Variants in DLGAP2 observed in about 807,000 individuals in gnomAD.
DLGAP2 encodes the protein disks large-associated protein 2.
In DLGAP2, 26 loss-of-function variants were observed where a neutral mutation model predicts 100.3. That is an observed-to-expected ratio of 0.26 (90% CI 0.19 to 0.36). The LOEUF (loss-of-function observed/expected upper bound fraction) is 0.36, where lower values mean the gene tolerates loss of function less well. Among genes scored for constraint, DLGAP2 ranks in the 10% least tolerant of loss-of-function variants. The pLI is 1.00. For missense variants in DLGAP2, 1,858 were observed against 1,453.2 expected (o/e 1.28, Z -4.53); for synonymous variants, 886 against 630.1 (o/e 1.41, Z -6.08).
At chr8:783,984 C>G (rs1041669405) in intron 1 of DLGAP2, among the ~76,000 whole-genome samples, 3 of 152,296 alleles carry the variant, frequency 2.0e-5, no homozygotes, top group Non-Finnish European at 2.9e-5. Flanking sequence ...TGAAGGAGTT[C>G]CAAGGCTTGA....
At chr8:1,595,521 G>C (rs1427746834) in intron 6 of DLGAP2, among the ~76,000 whole-genome samples, 1 of 150,854 alleles carries the variant, frequency 6.6e-6, no homozygotes, top group Non-Finnish European at 1.5e-5. Flanking sequence ...AAAAAAATTA[G>C]CCGGGCACGG....
chr8:1,599,487 G>C (rs1796558181), intron 6 of DLGAP2, among the ~76,000 whole-genome samples: 1 of 152,048 alleles, frequency 6.6e-6, no homozygotes, highest in Non-Finnish European at 1.5e-5. Flanking sequence ...TTATTGTATG[G>C]GAGTCTAAGT....
intron 3 of DLGAP2, among the ~76,000 whole-genome samples, chr8:1,473,098 T>C (rs1323300708): frequency 6.6e-6 from 1 of 152,148 alleles, no homozygotes; most frequent in Non-Finnish European, 1.5e-5. Flanking sequence ...ACCTGGCTAA[T>C]TTTGGTATTT....
intron 2 of DLGAP2, among the ~76,000 whole-genome samples, chr8:997,534 A>T (rs1010791664): frequency 6.6e-6 from 1 of 152,220 alleles, no homozygotes. Flanking sequence ...ATGTAGAAGC[A>T]CTTCATTAAA....
chr8:1,106,917 G>A (rs1205022394), intron 2 of DLGAP2, among the ~76,000 whole-genome samples: 1 of 152,182 alleles, frequency 6.6e-6, no homozygotes, highest in Admixed American at 6.5e-5. Context: ...GACTCTAAGG[G>A]TTCTAGGAGC....
chr8:1,163,853 G>A (rs1470704907), intron 2 of DLGAP2, among the ~76,000 whole-genome samples: 2 of 152,186 alleles, frequency 1.3e-5, no homozygotes, highest in African/African-American at 4.8e-5. Flanking sequence ...GCTCTGCTCA[G>A]CACTGCGGCT....
At chr8:1,059,887 T>G (rs1399601888) in intron 2 of DLGAP2, among the ~76,000 whole-genome samples, 1 of 152,018 alleles carries the variant, frequency 6.6e-6, no homozygotes, top group Non-Finnish European at 1.5e-5. Flanking sequence ...GCGATGCAAA[T>G]CGCATTCTGT....
At chr8:1,125,426 A>G (rs1029306298) in intron 2 of DLGAP2, among the ~76,000 whole-genome samples, 1 of 152,186 alleles carries the variant, frequency 6.6e-6, no homozygotes, top group Non-Finnish European at 1.5e-5. Context: ...TGATAGCGTG[A>G]TGCTTGTTTT....
chr8:959,299 G>A (rs138775337), intron 2 of DLGAP2, among the ~76,000 whole-genome samples: 116 of 152,310 alleles, frequency 7.6e-4, no homozygotes, highest in African/African-American at 2.7e-3. Context: ...GGTCTCAAGT[G>A]CATTTGTGTG....
At chr8:903,126 T>A (rs1274146238) in intron 1 of DLGAP2, among the ~76,000 whole-genome samples, 2 of 151,746 alleles carry the variant, frequency 1.3e-5, no homozygotes, top group Non-Finnish European at 2.9e-5. Context: ...TCCCTATGAG[T>A]TATCTTGTCG....
intron 4 of DLGAP2, among the ~76,000 whole-genome samples, chr8:1,547,817 CCA>C (rs1801594903): frequency 6.6e-6 from 1 of 152,168 alleles, no homozygotes; most frequent in Non-Finnish European, 1.5e-5. Context: ...ACAGCTGCCC[CCA>C]CACAGATGGG....
At chr8:882,237 G>T (rs946125975) in intron 1 of DLGAP2, among the ~76,000 whole-genome samples, 1 of 128,678 alleles carries the variant, frequency 7.8e-6, no homozygotes, top group Non-Finnish European at 1.8e-5. Context: ...CACATCATCA[G>T]AGATCTGCGG....
In DLGAP2 at chr8:1,062,378, C is replaced by G. The variant is rs1803110873; in HGVS notation, c.73+154412C>G. On this transcript the variant is annotated intron_variant, in intron 2 of 14. Coordinates refer to ENST00000637795, the MANE Select transcript of DLGAP2 (RefSeq NM_001346810.2). ...CACACTCGGTCGTCTTGGCCTGCTT[C>G]TCTCGCAAGGATGTGGAAGCTTCCC... Among the ~76,000 whole-genome samples the G allele has an allele frequency of 3.3e-5, 5 of 152,350 alleles. No homozygotes were observed. In the South Asian group the frequency reaches 1.0e-3, roughly 32 times the overall value.
At chr8:775,131 C>A (rs1263261263) in intron 1 of DLGAP2, among the ~76,000 whole-genome samples, 1 of 152,028 alleles carries the variant, frequency 6.6e-6, no homozygotes, top group Non-Finnish European at 1.5e-5. Flanking sequence ...GGAGTTCACT[C>A]ATGATTTGGC....
chr8:1,442,261 G>T (rs1797856021), intron 3 of DLGAP2, among the ~76,000 whole-genome samples: 1 of 104,956 alleles, frequency 9.5e-6, no homozygotes, highest in Non-Finnish European at 2.4e-5. Flanking sequence ...GGCTGCTGTG[G>T]GTTCAGCCAC....
intron 3 of DLGAP2, among the ~76,000 whole-genome samples, chr8:1,348,612 A>G (rs76985096): frequency 2.0e-5 from 3 of 151,674 alleles, no homozygotes; most frequent in African/African-American, 7.3e-5. Context: ...CACTCATGGT[A>G]GCTGTGTGGA....
At chr8:1,512,408 G>A (rs964977402) in intron 4 of DLGAP2, among the ~76,000 whole-genome samples, 1 of 152,206 alleles carries the variant, frequency 6.6e-6, no homozygotes, top group Non-Finnish European at 1.5e-5. Flanking sequence ...ATCGTCGGCG[G>A]CATAGGGACG....
At chr8:772,384 A>G (rs935652662) in intron 1 of DLGAP2, among the ~76,000 whole-genome samples, 3 of 152,186 alleles carry the variant, frequency 2.0e-5, no homozygotes, top group Non-Finnish European at 4.4e-5. Flanking sequence ...GTGCAGTGGC[A>G]TGATCTCTGC....
chr8:1,258,046 G>A lies in DLGAP2; in HGVS notation c.74-805G>A, dbSNP rs77548689. On this transcript the variant is annotated intron_variant, in intron 2 of 14. Transcript: ENST00000637795. Reference sequence around the variant, plus strand: ...TGTGTGAGGATCACCTGTAAATGCCGTGCTCCCAAAGTGTTTGTGTCTATT... The same window carrying A: ...TGTGTGAGGATCACCTGTAAATGCCATGCTCCCAAAGTGTTTGTGTCTATT... Among the ~76,000 whole-genome samples, 840 of 152,314 alleles carry A rather than the reference G, an allele frequency of 5.5e-3. 3 individuals carry two copies. Among genetic ancestry groups the A allele is most frequent in the East Asian group, 0.027 (139 of 5,176 alleles).
Sources: allele counts gnomAD v4.1 joint callset (sites outside exome capture counted in the v4.1 genomes callset), GRCh38; gene constraint gnomAD v4.1.1; transcripts MANE v1.5; gene names NCBI Gene and HGNC (gene_info 2026-07-23, HGNC 2026-07-21).